EPG5: variants seen among roughly 807,000 people sequenced by gnomAD.
EPG5 encodes the protein ectopic P-granules 5 autophagy tethering factor, also known as ectopic P granules protein 5 homolog.
A neutral mutation model predicts 302.7 loss-of-function variants in EPG5; 159 were observed. That is an observed-to-expected ratio of 0.53 (90% CI 0.46 to 0.60). The LOEUF (loss-of-function observed/expected upper bound fraction) is 0.60, where lower values mean the gene tolerates loss of function less well. Ranked by LOEUF, EPG5 falls within the 20% of genes least tolerant of loss-of-function variation. The probability of loss-of-function intolerance (pLI) is 0.00; values close to 1 mark genes in which losing one functional copy is unlikely to be tolerated. For missense variants in EPG5, 2,896 were observed against 3,092.4 expected, an observed-to-expected ratio of 0.94 and a Z score of 1.51; for synonymous variants, 1,158 against 1,136.8, an observed-to-expected ratio of 1.02 and a Z score of -0.37.
rs1465099475 is a variant in EPG5 at position 45,851,814 on chromosome 18, C to A, written c.*653G>T. 2.0e-5 allele frequency: 3 copies of A among 152,296 alleles called. No homozygotes were observed. The highest frequency in any genetic ancestry group is 4.4e-5 in the Non-Finnish European group (3 of 68,086). The allele number at this position is 152,296 out of a possible 1,614,324, so 9.4% of individuals were successfully genotyped here. A position where few individuals can be genotyped will look rare whatever the true frequency, so the allele number is the denominator to read the frequency against. On this transcript the variant is annotated 3_prime_UTR_variant, in exon 44 of 44. Transcript: ENST00000282041. ...AGCTTGCCATCCTGATTCAGACAGGCAGCTTCTCCATGAGGATACACGGCT... is the reference window on the plus strand; with the variant it reads ...AGCTTGCCATCCTGATTCAGACAGGAAGCTTCTCCATGAGGATACACGGCT...
chr18:45,868,495 GC>G (rs2048797082), intron 36 of EPG5, among the ~76,000 whole-genome samples: 1 of 151,518 alleles, frequency 6.6e-6, no homozygotes, highest in Admixed American at 6.6e-5. Flanking sequence ...CTGCCACCAT[GC>G]CCAGCTAATT....
chr18:45,822,893 G>T, the EPG5 span, among the ~76,000 whole-genome samples: 12 of 152,170 alleles, frequency 7.9e-5, no homozygotes, highest in African/African-American at 2.9e-4. Context: ...CTATTTATTA[G>T]GTACCCTGTA....
intron 36 of EPG5, chr18:45,868,034 C>T (rs1252426773): frequency 6.0e-6 from 3 of 500,840 alleles, no homozygotes; most frequent in South Asian, 1.5e-5. Flanking sequence ...GGTGGAGAAT[C>T]GCTGCCACAG....
At position 45,910,576 on chromosome 18, in the gene EPG5, G is replaced by A; in HGVS notation, c.4150C>T (p.His1384Tyr). 1 of 1,613,880 alleles carries A rather than the reference G, an allele frequency of 6.2e-7. No homozygotes were observed. Among genetic ancestry groups the A allele is most frequent in the South Asian group, 1.1e-5 (1 of 91,048 alleles). ...AEGSEGLPES[H>Y]SGTPGYLTSP... ...GTCAGGTAACCAGGGGTGCCAGAGT[G>A]GCTCTCTGGCAGCCCTTCACTGCCC... Residue 1384 changes from histidine (H) to tyrosine (Y), a missense_variant, in exon 23 of 44, where the codon CAC becomes TAC. Physicochemically the swap from His to Tyr is moderately conservative, Grantham distance 83. Coordinates refer to ENST00000282041, the MANE Select transcript of EPG5 (RefSeq NM_020964.3).
rs777553674 is a variant in EPG5, at chr18:45,943,155, T to C, written c.1943+6A>G. On this transcript the variant is annotated splice_donor_region_variant and intron_variant, in intron 9 of 43. Coordinates refer to ENST00000282041, the MANE Select transcript of EPG5 (RefSeq NM_020964.3). Reference sequence around the variant, plus strand: ...ACAGAGAAGGGTAGAGCAACAGCAGTATTACCTGATCATATAACCAATTCG... The same window carrying C: ...ACAGAGAAGGGTAGAGCAACAGCAGCATTACCTGATCATATAACCAATTCG... The C allele has an allele frequency of 6.2e-7, 1 of 1,614,020 alleles. No homozygotes were observed. Among genetic ancestry groups the C allele is most frequent in the Non-Finnish European group, 8.5e-7 (1 of 1,179,922 alleles).
intron 27 of EPG5, among the ~76,000 whole-genome samples, chr18:45,895,315 A>T (rs2049446710): frequency 6.6e-6 from 1 of 152,194 alleles, no homozygotes; most frequent in Non-Finnish European, 1.5e-5. Context: ...GGCAGGTGGA[A>T]ATCTAGATTT....
chr18:45,801,435 T>C, the EPG5 span, among the ~76,000 whole-genome samples: 3 of 152,128 alleles, frequency 2.0e-5, no homozygotes, highest in Admixed American at 6.6e-5. Flanking sequence ...TTCCCAGTAA[T>C]TGGCTTTTAA....
chr18:45,958,854 C>A (rs1393111205), intron 1 of EPG5, among the ~76,000 whole-genome samples: 1 of 152,172 alleles, frequency 6.6e-6, no homozygotes, highest in Admixed American at 6.5e-5. Flanking sequence ...CAAGCTCACA[C>A]CTGGTCTGGC....
At chr18:45,817,704 G>T in the EPG5 span, among the ~76,000 whole-genome samples, 1 of 152,238 alleles carries the variant, frequency 6.6e-6, no homozygotes, top group Non-Finnish European at 1.5e-5. Context: ...AGTGCTGCTT[G>T]AGAGTCCTCA....
chr18:45,844,361 C>T (rs550961234), downstream of EPG5, among the ~76,000 whole-genome samples: 3 of 151,528 alleles, frequency 2.0e-5, no homozygotes, highest in Admixed American at 6.6e-5. Flanking sequence ...CACAAGAGGG[C>T]GACTATAGTT....
intron 1 of EPG5, 124 bp downstream of exon 1, chr18:45,967,053 A>G: frequency 1.1e-6 from 1 of 879,092 alleles, no homozygotes; most frequent in Non-Finnish European, 1.7e-6. Flanking sequence ...AAATATTGGA[A>G]GGTGGAGGCG....
At chr18:45,808,797 C>A in the EPG5 span, among the ~76,000 whole-genome samples, 2 of 140,506 alleles carry the variant, frequency 1.4e-5, no homozygotes, top group East Asian at 2.2e-4. Context: ...ATCACAGGAC[C>A]TATAAAACAA....
the EPG5 span, among the ~76,000 whole-genome samples, chr18:45,809,731 A>AG: frequency 6.6e-6 from 1 of 152,238 alleles, no homozygotes; most frequent in Non-Finnish European, 1.5e-5. Context: ...CGGTGCTAAG[A>AG]GGAAAGTTCA....
intron 11 of EPG5, among the ~76,000 whole-genome samples, chr18:45,934,426 A>T (rs1426692441): frequency 6.6e-6 from 1 of 152,214 alleles, no homozygotes; most frequent in African/African-American, 2.4e-5. Context: ...ATACAACTTT[A>T]AAAAAACAGC....
intron 30 of EPG5, among the ~76,000 whole-genome samples, chr18:45,884,023 T>G (rs976615189): frequency 5.9e-5 from 9 of 152,016 alleles, no homozygotes; most frequent in Non-Finnish European, 1.3e-4. Context: ...ACAAAACCTT[T>G]GTCAAACACA....
intron 36 of EPG5, among the ~76,000 whole-genome samples, chr18:45,869,733 A>G (rs2048830128): frequency 6.6e-6 from 1 of 152,212 alleles, no homozygotes. Flanking sequence ...TGACAAGAGC[A>G]GCACAGATGG....
At chr18:45,805,445 AAAG>A in the EPG5 span, among the ~76,000 whole-genome samples, 46 of 151,836 alleles carry the variant, frequency 3.0e-4, no homozygotes, top group Non-Finnish European at 6.0e-4. Flanking sequence ...AAAAGACAAG[AAAG>A]AAGTAACAGA....
intron 36 of EPG5, among the ~76,000 whole-genome samples, chr18:45,869,091 G>C (rs1056597583): frequency 1.3e-5 from 2 of 151,442 alleles, no homozygotes; most frequent in African/African-American, 4.8e-5. Context: ...AGGAACAGAT[G>C]TACTATAAAG....
Position 45,851,301 on chromosome 18 carries a change from A to G in EPG5, c.*1166T>C, listed in dbSNP as rs1358767172. 1 of 152,232 alleles carries G rather than the reference A, an allele frequency of 6.6e-6. No individual in the cohort carries two copies. The highest frequency in any genetic ancestry group is 1.9e-4 in the East Asian group (1 of 5,202). 9.4% of individuals were successfully genotyped at this position (152,232 alleles called of 1,614,324 possible). On this transcript the variant is annotated 3_prime_UTR_variant, in exon 44 of 44. Coordinates refer to ENST00000282041, the MANE Select transcript of EPG5 (RefSeq NM_020964.3). ...CTGATAGAATGAGGAACGTGGGAAC[A>G]GAAGTCAAACTGCTCATTCCCAGGA... is the stretch of plus-strand genomic sequence containing the variant.
Sources: allele counts gnomAD v4.1 joint callset (sites outside exome capture counted in the v4.1 genomes callset), GRCh38; gene constraint gnomAD v4.1.1; transcripts MANE v1.5; gene names NCBI Gene and HGNC (gene_info 2026-07-23, HGNC 2026-07-21).